Variants in CSMD2 observed in about 807,000 individuals in gnomAD.
CSMD2 encodes CUB and sushi domain-containing protein 2.
In CSMD2, 130 loss-of-function variants were observed where a neutral mutation model predicts 398.5. The observed-to-expected ratio is 0.33, with a 90% CI of 0.28 to 0.38. CSMD2 has a LOEUF of 0.38. Ranked by LOEUF, CSMD2 falls within the 10% of genes least tolerant of loss-of-function variation. CSMD2 has a pLI of 1.00. For missense variants in CSMD2, 3,829 were observed against 4,764.9 expected (o/e 0.80, Z 5.78); for synonymous variants, 1,828 against 1,908.5 (o/e 0.96, Z 1.10).
intron 13 of CSMD2, among the ~76,000 whole-genome samples, chr1:33,749,606 G>A (rs1647932016): frequency 6.6e-6 from 1 of 152,088 alleles, no homozygotes; most frequent in Admixed American, 6.5e-5. Context: ...AAAAAAATTG[G>A]CTTCTGAAGA....
At chr1:33,646,963 C>G in intron 28 of CSMD2, 128 bp from the exon 29 acceptor site, 3 of 849,456 alleles carry the variant, frequency 3.5e-6, no homozygotes, top group South Asian at 1.8e-5. Context: ...GTACCCAACC[C>G]CTGAAGACTG....
chr1:33,605,971 G>T (rs1239993152), intron 41 of CSMD2: 1 of 1,613,418 alleles, frequency 6.2e-7, no homozygotes, highest in African/African-American at 1.3e-5. Context: ...GAAGAAATCT[G>T]GTGGGAGTAA....
intron 12 of CSMD2, among the ~76,000 whole-genome samples, chr1:33,774,744 G>T (rs1371994920): frequency 6.6e-6 from 1 of 152,156 alleles, no homozygotes; most frequent in Non-Finnish European, 1.5e-5. Context: ...GCTGTGATTG[G>T]CTTAAGAAAA....
intron 5 of CSMD2, among the ~76,000 whole-genome samples, chr1:33,886,665 G>A (rs1424696349): frequency 6.6e-6 from 1 of 152,194 alleles, no homozygotes; most frequent in Non-Finnish European, 1.5e-5. Context: ...AAATTCTTCT[G>A]CATAACAGAT....
At chr1:34,007,629 A>T (rs111478907) in intron 3 of CSMD2, among the ~76,000 whole-genome samples, 1 of 152,200 alleles carries the variant, frequency 6.6e-6, no homozygotes, top group African/African-American at 2.4e-5. Flanking sequence ...GATGCATCCC[A>T]ATGATTTATG....
chr1:33,715,420 G>C (rs773885509), intron 20 of CSMD2, among the ~76,000 whole-genome samples: 3 of 152,240 alleles, frequency 2.0e-5, no homozygotes, highest in Non-Finnish European at 4.4e-5. Context: ...CAGCATAGAA[G>C]TGACTAGTCC....
intron 1 of CSMD2, among the ~76,000 whole-genome samples, chr1:34,103,085 T>C (rs961929974): frequency 2.0e-5 from 3 of 152,186 alleles, no homozygotes; most frequent in Non-Finnish European, 4.4e-5. Flanking sequence ...CCTAGCATTC[T>C]GTGCTTGGAT....
chr1:34,122,177 T>C (rs1426904629), intron 1 of CSMD2, among the ~76,000 whole-genome samples: 1 of 152,096 alleles, frequency 6.6e-6, no homozygotes, highest in Non-Finnish European at 1.5e-5. Flanking sequence ...AGGGGGCCGC[T>C]ACTGGCAGCT....
chr1:33,986,167 T>C (rs1029797262), intron 3 of CSMD2, among the ~76,000 whole-genome samples: 48 of 152,168 alleles, frequency 3.2e-4, no homozygotes, highest in African/African-American at 1.1e-3. Flanking sequence ...TTTACATATT[T>C]ATGCCCAATA....
chr1:33,660,479 G>T (rs1644096011), intron 26 of CSMD2, among the ~76,000 whole-genome samples: 1 of 152,174 alleles, frequency 6.6e-6, no homozygotes, highest in Non-Finnish European at 1.5e-5. Context: ...TGCACTAATC[G>T]TCCCTGGCAT....
intron 25 of CSMD2, among the ~76,000 whole-genome samples, chr1:33,679,637 T>A (rs1456002369): frequency 6.6e-6 from 1 of 152,198 alleles, no homozygotes; most frequent in African/African-American, 2.4e-5. Flanking sequence ...ATAGAAAGCA[T>A]CTAGCACATA....
At chr1:33,574,995 G>A (rs567201198) in intron 49 of CSMD2, among the ~76,000 whole-genome samples, 39 of 152,290 alleles carry the variant, frequency 2.6e-4, no homozygotes, top group Non-Finnish European at 4.7e-4. Flanking sequence ...GCCCTGGCCT[G>A]GCCTTGCTCT....
At chr1:33,765,152 T>C (rs1650331550) in intron 13 of CSMD2, among the ~76,000 whole-genome samples, 1 of 152,246 alleles carries the variant, frequency 6.6e-6, no homozygotes, top group Non-Finnish European at 1.5e-5. Flanking sequence ...TTAATTTATA[T>C]TTTAACAGGA....
chr1:33,741,140 G>C (rs865899918), intron 14 of CSMD2, among the ~76,000 whole-genome samples: 6 of 152,146 alleles, frequency 3.9e-5, no homozygotes. Flanking sequence ...GTTACCGGGA[G>C]TTCTAGGGGT....
chr1:33,911,230 CA>C (rs1643427841), intron 5 of CSMD2, among the ~76,000 whole-genome samples: 2 of 152,196 alleles, frequency 1.3e-5, no homozygotes, highest in Admixed American at 1.3e-4. Context: ...GGAAAAGTAA[CA>C]AAGAACATGA....
rs1350534141 is a variant in CSMD2 at position 33,518,114 on chromosome 1, T to C, written c.*53+1351A>G. ...ACCGCCCTCACTGGGAATCCCTACC[T>C]GGCTGGCTCTGTGACTCTTCTCCCC... is the stretch of plus-strand genomic sequence containing the variant. On this transcript the variant is annotated intron_variant, in intron 70 of 70. Coordinates refer to ENST00000373381, the MANE Select transcript of CSMD2 (RefSeq NM_001281956.2). The surrounding 1 kb of genome is among the most constrained non-coding windows in gnomAD (Gnocchi z 4.3). Among the ~76,000 whole-genome samples, 1 of 152,226 alleles carries C rather than the reference T, an allele frequency of 6.6e-6. No individual in the cohort carries two copies. The highest frequency in any genetic ancestry group is 2.4e-5 in the African/African-American group (1 of 41,454).
At chr1:33,876,950 A>G (rs557395146) in intron 5 of CSMD2, among the ~76,000 whole-genome samples, 13 of 152,336 alleles carry the variant, frequency 8.5e-5, no homozygotes, top group African/African-American at 2.9e-4. Flanking sequence ...GCTGCAGTCT[A>G]TAGATCAAAT....
chr1:33,877,351 TC>T (rs1293592461), intron 5 of CSMD2, among the ~76,000 whole-genome samples: 3 of 152,056 alleles, frequency 2.0e-5, no homozygotes, highest in African/African-American at 7.2e-5. Context: ...CATCACCCCC[TC>T]CAGTCCTTGT....
At chr1:34,080,898 A>C (rs1161092143) in intron 2 of CSMD2, among the ~76,000 whole-genome samples, 1 of 146,060 alleles carries the variant, frequency 6.8e-6, no homozygotes, top group South Asian at 2.1e-4. Context: ...AAATAGGCAA[A>C]CTTCTGGCAA....
Sources: allele counts gnomAD v4.1 joint callset (sites outside exome capture counted in the v4.1 genomes callset), GRCh38; gene constraint gnomAD v4.1.1; non-coding constraint Gnocchi (gnomAD v3.1); transcripts MANE v1.5; gene names NCBI Gene and HGNC (gene_info 2026-07-23, HGNC 2026-07-21).